GCA: variants seen among roughly 807,000 people sequenced by gnomAD.
GCA encodes grancalcin, EF-hand calcium-binding protein.
Under a neutral mutation model 32.6 loss-of-function variants are expected in GCA, and 30 were observed. The ratio of observed to expected loss-of-function variants is 0.92; its 90% confidence interval spans 0.69 to 1.25. The LOEUF (loss-of-function observed/expected upper bound fraction) is 1.25, where lower values mean the gene tolerates loss of function less well. Ranked by LOEUF, GCA falls within the 50% of genes most tolerant of loss-of-function variation. GCA has a pLI of 0.00. For missense variants in GCA, 291 were observed against 266.8 expected, an observed-to-expected ratio of 1.09 and a Z score of -0.63; for synonymous variants, 102 against 84.6, an observed-to-expected ratio of 1.21 and a Z score of -1.13.
chr2:162,335,238 C>G (rs1684230639), intron 1 of GCA, among the ~76,000 whole-genome samples: 1 of 152,032 alleles, frequency 6.6e-6, no homozygotes, highest in Non-Finnish European at 1.5e-5. Flanking sequence ...ACAGTGAAAC[C>G]TCGTCTCTAC....
At chr2:162,319,152 G>A (rs1047412691) in exon 1 of GCA, 18 of 456,676 alleles carry the variant, frequency 3.9e-5, no homozygotes, top group Non-Finnish European at 7.5e-5. Context: ...GAAGACAGGA[G>A]GAAGTCCTTC....
chr2:162,344,759 C>A (rs1246529324), intron 1 of GCA, among the ~76,000 whole-genome samples: 1 of 152,134 alleles, frequency 6.6e-6, no homozygotes, highest in Non-Finnish European at 1.5e-5. Flanking sequence ...CTAGACTCCC[C>A]CGCTCGCCCC....
downstream of GCA, chr2:162,373,561 G>A (rs1686045102): frequency 6.3e-7 from 1 of 1,596,426 alleles, no homozygotes; most frequent in Non-Finnish European, 8.5e-7. Context: ...CTGATATTCT[G>A]ATCCTGCTGT....
At chr2:162,374,996 C>T (rs1046310113), downstream of GCA, among the ~76,000 whole-genome samples, 2 of 152,124 alleles carry the variant, frequency 1.3e-5, no homozygotes, top group Admixed American at 6.6e-5. Flanking sequence ...ACTAAGCAGA[C>T]CCATTATTTC....
rs146185329 is a variant in GCA, at chr2:162,359,547, G to A, written c.622G>A (p.Asp208Asn). 4 of 1,509,766 alleles carry A rather than the reference G, an allele frequency of 2.6e-6. No individual in the cohort carries two copies. In the African/African-American group the frequency reaches 4.2e-5, roughly 16 times the overall value. 93.5% of individuals were successfully genotyped at this position (1,509,766 alleles called of 1,614,324 possible). A position where few individuals can be genotyped will look rare whatever the true frequency, so the allele number is the denominator to read the frequency against. Residue 208 changes from aspartate (D) to asparagine (N), a missense_variant, in exon 7 of 8, where the codon GAC becomes AAC. Coordinates refer to ENST00000437150, the MANE Select transcript of GCA (RefSeq NM_012198.5). ...LQQGSANFIY[D>N]DFLQGTMAI is the part of the protein sequence containing the mutation. Reference sequence around the variant, plus strand: ...ACAAGGGTCTGCGAATTTCATATATGACGATGTGAGTATCCTGCTTTTGAT... The same window carrying A: ...ACAAGGGTCTGCGAATTTCATATATAACGATGTGAGTATCCTGCTTTTGAT...
intron 1 of GCA, among the ~76,000 whole-genome samples, chr2:162,323,300 G>T (rs918072407): frequency 3.3e-5 from 5 of 151,794 alleles, no homozygotes; most frequent in Admixed American, 2.6e-4. Flanking sequence ...TGTAGATTCT[G>T]GATATTAGCC....
chr2:162,329,666 T>A (rs930125225), intron 1 of GCA, among the ~76,000 whole-genome samples: 1 of 151,010 alleles, frequency 6.6e-6, no homozygotes, highest in African/African-American at 2.4e-5. Context: ...TATTTTATTA[T>A]AATAATAATA....
intron 1 of GCA, among the ~76,000 whole-genome samples, chr2:162,332,587 T>C (rs1684134934): frequency 6.6e-6 from 1 of 152,082 alleles, no homozygotes; most frequent in African/African-American, 2.4e-5. Context: ...TCATGCCTAC[T>C]AACAAGGCCC....
At chr2:162,325,045 G>A (rs934822628) in intron 1 of GCA, among the ~76,000 whole-genome samples, 1 of 152,128 alleles carries the variant, frequency 6.6e-6, no homozygotes, top group African/African-American at 2.4e-5. Context: ...GGTTAAATGT[G>A]TATTACACAA....
upstream of GCA, among the ~76,000 whole-genome samples, chr2:162,342,521 T>C (rs1032192857): frequency 6.6e-6 from 1 of 152,210 alleles, no homozygotes; most frequent in South Asian, 2.1e-4. Context: ...GTGTTTGTTA[T>C]GCAACTGGAA....
At chr2:162,342,376 T>G (rs953870791), upstream of GCA, among the ~76,000 whole-genome samples, 2 of 152,186 alleles carry the variant, frequency 1.3e-5, no homozygotes, top group South Asian at 2.1e-4. Context: ...TGTGTGAGAT[T>G]CCTGAGTCTG....
intron 1 of GCA, among the ~76,000 whole-genome samples, chr2:162,332,090 A>T (rs1363741259): frequency 6.6e-6 from 1 of 151,954 alleles, no homozygotes; most frequent in Non-Finnish European, 1.5e-5. Flanking sequence ...CAGGCAGATC[A>T]TGAGGTCAGG....
In GCA at chr2:162,325,380, C is replaced by G. The variant is rs554005408; in HGVS notation, c.-31+6155C>G. 5.3e-5 allele frequency among the ~76,000 whole-genome samples: 8 copies of G among 152,254 alleles called. No homozygotes were observed. In the South Asian group the frequency reaches 1.5e-3, roughly 28 times the overall value. ...TTCAGGAGGTCCTCTAACATACTGTCTGCTCCTGGGGCCCATTTCTGCAAC... is the reference window on the plus strand; with the variant it reads ...TTCAGGAGGTCCTCTAACATACTGTGTGCTCCTGGGGCCCATTTCTGCAAC... On this transcript the variant is annotated intron_variant, in intron 1 of 4. Transcript: ENST00000429691.
chr2:162,337,131 G>A lies in GCA; in HGVS notation c.-30-10447G>A, dbSNP rs1576269624. On this transcript the variant is annotated intron_variant, in intron 1 of 4. Transcript: ENST00000429691. ...CTCTGTGCCAGGGAGCCTAACCTCT[G>A]TGGACTGCGTCAATGAGCTCTCTTT... 2.6e-5 allele frequency among the ~76,000 whole-genome samples: 4 copies of A among 152,304 alleles called. No homozygotes were observed. The East Asian group carries it at 7.7e-4, about 29-fold the overall frequency.
chr2:162,326,836 C>CA (rs1169227347), intron 1 of GCA, among the ~76,000 whole-genome samples: 6 of 152,116 alleles, frequency 3.9e-5, no homozygotes, highest in Non-Finnish European at 8.8e-5. Flanking sequence ...CTTCTTTCCA[C>CA]AAAAAACTCA....
chr2:162,356,948 T>C (rs1310095613), intron 5 of GCA, 43 bp downstream of exon 5: 15 of 1,374,942 alleles, frequency 1.1e-5, no homozygotes, highest in Non-Finnish European at 1.5e-5. Context: ...AGCTAATCTT[T>C]GTTCTTTGAT....
rs916625706 is a variant in GCA at position 162,361,289 on chromosome 2, C to T, written c.*1046C>T. 3 of 984,432 alleles carry T rather than the reference C, an allele frequency of 3.0e-6. No homozygotes were observed. The highest frequency in any genetic ancestry group is 4.7e-5 in the South Asian group (1 of 21,276). The allele number at this position is 984,432 out of a possible 1,614,324, so 61.0% of individuals were successfully genotyped here. On this transcript the variant is annotated 3_prime_UTR_variant, in exon 8 of 8. Transcript: ENST00000437150. Reference sequence around the variant, plus strand: ...CGTGGTACTAAAACTGCCGAAAATGCGACGTAGAATCACCAGATCTTTAGT... The same window carrying T: ...CGTGGTACTAAAACTGCCGAAAATGTGACGTAGAATCACCAGATCTTTAGT...
At chr2:162,346,452 T>A (rs1259279784) in intron 1 of GCA, 2 of 152,228 alleles carry the variant, frequency 1.3e-5, no homozygotes, top group Admixed American at 6.5e-5. Flanking sequence ...CACAGACTAT[T>A]TCTCCACTTT....
chr2:162,331,155 T>A (rs1684067275), intron 1 of GCA, among the ~76,000 whole-genome samples: 1 of 152,180 alleles, frequency 6.6e-6, no homozygotes. Context: ...GTGAAAAATG[T>A]GGCACTAAAT....
Sources: gnomAD v4.1 joint callset for allele counts (sites outside exome capture counted in the v4.1 genomes callset) on GRCh38, gnomAD v4.1.1 for gene constraint, MANE v1.5 for transcripts, NCBI Gene and HGNC (gene_info 2026-07-23, HGNC 2026-07-21) for gene names.